The following LRCH1 variants were observed in gnomAD, a reference collection of about 807,000 sequenced individuals.
LRCH1 encodes leucine rich repeats and calponin homology domain containing 1, also known as leucine-rich repeat and calponin homology domain-containing protein 1.
A neutral mutation model predicts 94.9 loss-of-function variants in LRCH1; 23 were observed. That is an observed-to-expected ratio of 0.24 (90% CI 0.17 to 0.34). LRCH1 has a LOEUF of 0.34. Ranked by LOEUF, LRCH1 falls within the 10% of genes least tolerant of loss-of-function variation. The pLI is 1.00. For missense variants in LRCH1, 790 were observed against 945.9 expected, an observed-to-expected ratio of 0.84 and a Z score of 2.16; for synonymous variants, 364 against 354.9, an observed-to-expected ratio of 1.03 and a Z score of -0.29.
chr13:46,701,823 C>T (rs539218994), intron 11 of LRCH1, among the ~76,000 whole-genome samples: 22 of 152,148 alleles, frequency 1.4e-4, no homozygotes, highest in Non-Finnish European at 2.6e-4. Context: ...TATCATGTAT[C>T]GGGTAATAAC....
chr13:46,613,501 A>G (rs933217758), intron 1 of LRCH1, among the ~76,000 whole-genome samples: 1 of 152,056 alleles, frequency 6.6e-6, no homozygotes, highest in Non-Finnish European at 1.5e-5. Flanking sequence ...ATAAGCCCTC[A>G]GCTTTGCTCA....
intron 4 of LRCH1, among the ~76,000 whole-genome samples, chr13:46,682,048 C>T (rs1593348878): frequency 6.6e-6 from 1 of 151,756 alleles, no homozygotes; most frequent in African/African-American, 2.4e-5. Flanking sequence ...TCAAGGGCTA[C>T]AGCAACAAAA....
intron 1 of LRCH1, among the ~76,000 whole-genome samples, chr13:46,582,370 CTTTTTTTTTT>C (rs10686269): frequency 7.5e-5 from 6 of 79,590 alleles, no homozygotes; most frequent in African/African-American, 2.5e-4. Flanking sequence ...TTGCTCTCAT[CTTTTTTTTTT>C]TTTTTTTTTT....
intron 3 of LRCH1, among the ~76,000 whole-genome samples, chr13:46,681,061 G>A (rs1446696570): frequency 1.3e-5 from 2 of 152,206 alleles, no homozygotes; most frequent in African/African-American, 2.4e-5. Flanking sequence ...TTTCTCATGT[G>A]TCAAGAGGGG....
intron 2 of LRCH1, among the ~76,000 whole-genome samples, chr13:46,661,217 CG>C (rs2051444079): frequency 6.6e-6 from 1 of 152,056 alleles, no homozygotes; most frequent in Admixed American, 6.5e-5. Flanking sequence ...CTGACCCACC[CG>C]GTTTCAAACC....
chr13:46,656,427 C>A (rs1435286147), intron 2 of LRCH1, among the ~76,000 whole-genome samples: 2 of 152,154 alleles, frequency 1.3e-5, no homozygotes, highest in Non-Finnish European at 2.9e-5. Flanking sequence ...ATCCCACATT[C>A]TTTCATGAAG....
intron 3 of LRCH1, among the ~76,000 whole-genome samples, chr13:46,669,722 T>G (rs1322230837): frequency 6.6e-6 from 1 of 152,232 alleles, no homozygotes; most frequent in Non-Finnish European, 1.5e-5. Context: ...ATTTCAGCTC[T>G]TTCACTACTA....
intron 1 of LRCH1, among the ~76,000 whole-genome samples, chr13:46,640,177 T>C (rs1297135826): frequency 6.6e-6 from 1 of 152,216 alleles, no homozygotes; most frequent in African/African-American, 2.4e-5. Flanking sequence ...TGTTCACTTA[T>C]TGTACAAAAC....
At chr13:46,680,690 A>G (rs2051738780) in intron 3 of LRCH1, among the ~76,000 whole-genome samples, 1 of 152,240 alleles carries the variant, frequency 6.6e-6, no homozygotes, top group Non-Finnish European at 1.5e-5. Flanking sequence ...GAGGAGGGAC[A>G]TTCAGAGAAA....
At position 46,689,205 on chromosome 13, in the gene LRCH1, A is replaced by G; in HGVS notation, c.1014+9A>G. On this transcript the variant is annotated intron_variant, in intron 7 of 19. Coordinates refer to ENST00000389797, the MANE Select transcript of LRCH1 (RefSeq NM_001164211.2). ...GATTATCTGCCACCGAGGTAAAGTT[A>G]GTGATCAGATTCTTTTCCTTCTGTA... 6.2e-7 allele frequency: 1 copy of G among 1,608,648 alleles called. No homozygotes were observed. Among genetic ancestry groups the G allele is most frequent in the Non-Finnish European group, 8.5e-7 (1 of 1,176,206 alleles).
intron 1 of LRCH1, among the ~76,000 whole-genome samples, chr13:46,624,664 A>G (rs1295816258): frequency 1.3e-5 from 2 of 152,240 alleles, no homozygotes; most frequent in Non-Finnish European, 2.9e-5. Context: ...AAGACTGGAC[A>G]GATGAGGTAG....
chr13:46,652,067 T>C (rs113520944), intron 2 of LRCH1, among the ~76,000 whole-genome samples: 1 of 124,152 alleles, frequency 8.1e-6, no homozygotes, highest in African/African-American at 2.9e-5. Context: ...TTTTTTTTTT[T>C]TTTTTTTTGT....
chr13:46,593,535 G>A (rs909092692), intron 1 of LRCH1, among the ~76,000 whole-genome samples: 6 of 152,192 alleles, frequency 3.9e-5, no homozygotes, highest in African/African-American at 1.4e-4. Flanking sequence ...ACGATCTGAC[G>A]TGATCTGAAT....
At chr13:46,701,365 G>T (rs1871462122) in intron 11 of LRCH1, among the ~76,000 whole-genome samples, 158 bp downstream of exon 11, 2 of 152,146 alleles carry the variant, frequency 1.3e-5, no homozygotes, top group Admixed American at 1.3e-4. Flanking sequence ...TTCCCAAGAT[G>T]CAAAAGTAAA....
chr13:46,653,887 A>G (rs1414665476), intron 2 of LRCH1, among the ~76,000 whole-genome samples: 3 of 152,192 alleles, frequency 2.0e-5, no homozygotes, highest in Admixed American at 2.0e-4. Flanking sequence ...TAAAGTAATC[A>G]GAAAGCTGGT....
intron 3 of LRCH1, among the ~76,000 whole-genome samples, chr13:46,673,267 C>T (rs747832493): frequency 1.3e-5 from 2 of 152,172 alleles, no homozygotes; most frequent in Non-Finnish European, 2.9e-5. Flanking sequence ...GTGTTCTTTC[C>T]GTTCCCTGCC....
chr13:46,631,471 A>C (rs2051016837), intron 1 of LRCH1, among the ~76,000 whole-genome samples: 1 of 152,226 alleles, frequency 6.6e-6, no homozygotes, highest in Non-Finnish European at 1.5e-5. Flanking sequence ...ATAAAATAGC[A>C]CTTTGGGTAG....
intron 9 of LRCH1, among the ~76,000 whole-genome samples, chr13:46,698,404 A>G (rs1205344968): frequency 6.6e-6 from 1 of 152,250 alleles, no homozygotes; most frequent in Non-Finnish European, 1.5e-5. Context: ...TCATGGTGGT[A>G]CATGACTTTC....
chr13:46,733,258 C>T (rs1296240136), intron 18 of LRCH1, among the ~76,000 whole-genome samples: 4 of 152,076 alleles, frequency 2.6e-5, no homozygotes, highest in Admixed American at 1.3e-4. Context: ...TGCCTGTTAC[C>T]CATCCCACAC....
Sources: gnomAD v4.1 joint callset for allele counts (sites outside exome capture counted in the v4.1 genomes callset) on GRCh38, gnomAD v4.1.1 for gene constraint, MANE v1.5 for transcripts, NCBI Gene and HGNC (gene_info 2026-07-23, HGNC 2026-07-21) for gene names.